Variants in ECI2 observed in about 807,000 individuals in gnomAD.
ECI2 encodes the protein enoyl-CoA delta isomerase 2.
ECI2 carries 27 observed loss-of-function variants against 38.4 expected under a neutral mutation model. The ratio of observed to expected loss-of-function variants is 0.70; its 90% CI spans 0.52 to 0.97. The LOEUF (loss-of-function observed/expected upper bound fraction) is 0.97. ECI2 is among the 50% of genes least tolerant of loss of function. The probability of loss-of-function intolerance (pLI) is 0.00; values close to 1 mark genes in which losing one functional copy is unlikely to be tolerated. For missense variants in ECI2, 470 were observed against 474.4 expected (o/e 0.99, Z 0.09); for synonymous variants, 168 against 172.0 (o/e 0.98, Z 0.18).
chr6:4,116,871 GT>G (rs1362757413), intron 9 of ECI2, among the ~76,000 whole-genome samples: 1 of 152,208 alleles, frequency 6.6e-6, no homozygotes, highest in Non-Finnish European at 1.5e-5. Flanking sequence ...AAAGCCTCAG[GT>G]AGCTGCTCAA....
chr6:4,117,580 G>A, intron 8 of ECI2, 129 bp from the exon 9 acceptor site: 1 of 1,320,144 alleles, frequency 7.6e-7, no homozygotes, highest in East Asian at 2.5e-5. Context: ...TCTCAGTAAG[G>A]GAGAAGCTGA....
rs763694679 is a variant in ECI2 at position 4,117,289 on chromosome 6, G to A, written c.1029+19C>T. ...GAAATCATTTTCAAGGTTCTTAGAA[G>A]TAAAAGATGAATACTAACATTTGGG... On this transcript the variant is annotated intron_variant, in intron 9 of 9. Transcript: ENST00000380118. 1.4e-5 allele frequency: 22 copies of A among 1,574,298 alleles called. No homozygotes were observed. Among genetic ancestry groups the A allele is most frequent in the Non-Finnish European group, 1.8e-5 (21 of 1,165,964 alleles).
chr6:4,127,740 G>A (rs368570089), intron 5 of ECI2, 22 bp downstream of exon 5: 26 of 1,603,700 alleles, frequency 1.6e-5, no homozygotes, highest in Non-Finnish European at 2.0e-5. Context: ...ATTTAATTAG[G>A]ATGCCTGAGA....
At chr6:4,128,594 T>C (rs1244737216) in intron 4 of ECI2, among the ~76,000 whole-genome samples, 1 of 152,216 alleles carries the variant, frequency 6.6e-6, no homozygotes, top group African/African-American at 2.4e-5. Context: ...ATCCACGGGT[T>C]CCACATCCAT....
At chr6:4,130,908 A>G (rs1170028061) in intron 2 of ECI2, 43 bp from the exon 3 acceptor site, 1 of 1,567,442 alleles carries the variant, frequency 6.4e-7, no homozygotes, top group Non-Finnish European at 8.7e-7. Context: ...GTCCATGTAA[A>G]CTAGACCCCT....
At position 4,115,810 on chromosome 6, in the gene ECI2, T is replaced by C; in HGVS notation, c.*64A>G. On this transcript the variant is annotated 3_prime_UTR_variant, in exon 10 of 10. Coordinates refer to ENST00000380118, the MANE Select transcript of ECI2 (RefSeq NM_206836.3). The stretch of plus-strand genomic sequence containing the variant: ...CACAATGAAGCTTATTTAGTTCCAG[T>C]ACTGGAAATCAGAGGTAACAGCACA... The C allele has an allele frequency of 6.4e-7, 1 of 1,554,846 alleles. No individual in the cohort carries two copies. The highest frequency in any genetic ancestry group is 8.7e-7 in the Non-Finnish European group (1 of 1,150,602).
At chr6:4,117,269 C>A in intron 9 of ECI2, 39 bp downstream of exon 9, 1 of 1,549,746 alleles carries the variant, frequency 6.5e-7, no homozygotes. Flanking sequence ...CTTAGGAAAT[C>A]ATTTTCAAGG....
chr6:4,133,644 G>C lies in ECI2; in HGVS notation c.118C>G (p.Gln40Glu). Residue 40 changes from glutamine to glutamate, a missense_variant, in exon 2 of 10, where the codon CAG becomes GAG. Physicochemically the swap from Gln to Glu is conservative, Grantham distance 29. Transcript: ENST00000380118. ...HMNRTAMRASQKDFENSMNQV... is the reference protein window; with the variant it reads ...HMNRTAMRASEKDFENSMNQV... Reference sequence around the variant, plus strand: ...TTCATTGAATTTTCAAAGTCCTTCTGACTGGCTCTCATTGCTGTTCTATTC... The same window carrying C: ...TTCATTGAATTTTCAAAGTCCTTCTCACTGGCTCTCATTGCTGTTCTATTC... 6.2e-7 allele frequency: 1 copy of C among 1,613,920 alleles called. No individual in the cohort carries two copies. Among genetic ancestry groups the C allele is most frequent in the Non-Finnish European group, 8.5e-7 (1 of 1,179,970 alleles).
rs1245029669 is a variant in ECI2, at chr6:4,115,961, T to G, written c.1098A>C (p.Glu366Asp). 1.2e-6 allele frequency: 2 copies of G among 1,614,124 alleles called. No homozygotes were observed. The highest frequency in any genetic ancestry group is 2.7e-5 in the African/African-American group (2 of 74,956). ...EREKLHAVNA[E>D]ECNVLQGRWL... ...ATCTTCCCTGAAGGACATTGCATTC[T>G]TCAGCATTAACAGCGTGTAGTTTTT... is the stretch of plus-strand genomic sequence containing the variant. The change falls in exon 10 of 10, where the codon GAA becomes GAC. Residue 366 changes from glutamate (E) to aspartate (D), a missense_variant. Transcript: ENST00000380118.
In ECI2 at chr6:4,125,299, A is replaced by G. The variant is rs771185761; in HGVS notation, c.746T>C (p.Ile249Thr). ...GAATAGCCCAAGGAGGGTGACGGAG[A>G]TGCCCACAGCTGGACCATTGACCAC... is the stretch of plus-strand genomic sequence containing the variant. ...IAVVNGPAVGISVTLLGLFDA... is the reference protein window; with the variant it reads ...IAVVNGPAVGTSVTLLGLFDA... The change falls in exon 7 of 10, where the codon ATC becomes ACC. Residue 249 changes from isoleucine (I) to threonine (T), a missense_variant. Ile to Thr is a moderately conservative substitution (Grantham distance 89). Transcript: ENST00000380118. 6.2e-6 allele frequency: 10 copies of G among 1,614,048 alleles called. No homozygotes were observed. The highest frequency in any genetic ancestry group is 2.2e-5 in the South Asian group (2 of 91,090).
chr6:4,122,359 T>C (rs1276506931), intron 7 of ECI2, among the ~76,000 whole-genome samples: 1 of 152,100 alleles, frequency 6.6e-6, no homozygotes, highest in Non-Finnish European at 1.5e-5. Flanking sequence ...CAGTTGGGAT[T>C]ATAGGCGTGC....
At chr6:4,117,193 A>C in intron 9 of ECI2, 115 bp downstream of exon 9, 1 of 1,287,908 alleles carries the variant, frequency 7.8e-7, no homozygotes, top group Non-Finnish European at 1.1e-6. Flanking sequence ...AGATGTGCTT[A>C]GAGGTAACTA....
intron 8 of ECI2, 93 bp downstream of exon 8, chr6:4,119,093 A>G: frequency 9.5e-7 from 1 of 1,053,086 alleles, no homozygotes; most frequent in Non-Finnish European, 1.4e-6. Context: ...TGTCCATATT[A>G]CCAAGGGAAA....
intron 2 of ECI2, among the ~76,000 whole-genome samples, chr6:4,131,931 C>G (rs1773524527): frequency 6.6e-6 from 1 of 151,924 alleles, no homozygotes; most frequent in Admixed American, 6.6e-5. Flanking sequence ...TTTCTTTAGA[C>G]AGAGATAGTG....
intron 7 of ECI2, among the ~76,000 whole-genome samples, chr6:4,123,677 T>C (rs555378472): frequency 6.6e-6 from 1 of 152,082 alleles, no homozygotes; most frequent in East Asian, 1.9e-4. Flanking sequence ...TTTTAAAAGG[T>C]TGATGCAGGC....
intron 9 of ECI2, among the ~76,000 whole-genome samples, chr6:4,116,669 C>G (rs569332662): frequency 6.6e-6 from 1 of 152,182 alleles, no homozygotes; most frequent in African/African-American, 2.4e-5. Context: ...TTCTTGAACT[C>G]CTGACCTCAG....
chr6:4,135,291 T>C, intron 1 of ECI2: 2 of 1,356,816 alleles, frequency 1.5e-6, no homozygotes, highest in Non-Finnish European at 2.0e-6. Flanking sequence ...AGCCCTGACC[T>C]CCCGACGCGC....
intron 6 of ECI2, 38 bp downstream of exon 6, chr6:4,126,097 G>T (rs750746876): frequency 6.5e-7 from 1 of 1,535,390 alleles, no homozygotes; most frequent in Non-Finnish European, 9.0e-7. Context: ...GACTAAGAAC[G>T]GGCCCTCTGG....
rs769469372 is a variant in ECI2, at chr6:4,119,201, T to G, written c.870A>C (p.Ile290=). The G allele has an allele frequency of 8.6e-5, 139 of 1,613,284 alleles. No homozygotes were observed. The East Asian group carries it at 3.1e-3, about 35-fold the overall frequency. ...CAAAAGTTACCTTGGCTGGGCTCATTATCTTCGGAAAAGTGTAAGAGGAGC... is the reference window on the plus strand; with the variant it reads ...CAAAAGTTACCTTGGCTGGGCTCATGATCTTCGGAAAAGTGTAAGAGGAGC... ...EGCSSYTFPK[I]MSPAKATEML... Residue 290 remains isoleucine, a synonymous_variant, in exon 8 of 10, where the codon ATA becomes ATC. Transcript: ENST00000380118.
Sources: gnomAD v4.1 joint callset for allele counts (sites outside exome capture counted in the v4.1 genomes callset) on GRCh38, gnomAD v4.1.1 for gene constraint, MANE v1.5 for transcripts, NCBI Gene and HGNC (gene_info 2026-07-23, HGNC 2026-07-21) for gene names.